Variants in TFAP2B observed in about 807,000 individuals in gnomAD.
The protein encoded by TFAP2B is transcription factor AP-2-beta.
TFAP2B carries 9 observed loss-of-function variants against 44.3 expected under a neutral mutation model. The observed-to-expected ratio is 0.20, with a 90% CI of 0.12 to 0.35. The LOEUF (loss-of-function observed/expected upper bound fraction) is 0.35, where lower values mean the gene tolerates loss of function less well. TFAP2B is among the 10% of genes least tolerant of loss of function. TFAP2B has a pLI of 1.00. For missense variants in TFAP2B, 509 were observed against 600.0 expected (o/e 0.85, Z 1.59); for synonymous variants, 270 against 263.8 (o/e 1.02, Z -0.23).
chr6:50,845,029 C>G lies in TFAP2B; in HGVS notation c.*1637C>G, dbSNP rs1271437786. The G allele has an allele frequency of 1.3e-5, 2 of 152,136 alleles. No individual in the cohort carries two copies. Among genetic ancestry groups the G allele is most frequent in the East Asian group, 3.8e-4 (2 of 5,198 alleles). 9.4% of individuals were successfully genotyped at this position (152,136 alleles called of 1,614,324 possible). A position where few individuals can be genotyped will look rare whatever the true frequency, so the allele number is the denominator to read the frequency against. On this transcript the variant is annotated 3_prime_UTR_variant, in exon 7 of 7. Transcript: ENST00000393655. Reference sequence around the variant, plus strand: ...TTTAATATTTCTCACTTCTGGCAGCCCAGCTCCTTTCTTGGGCTCCATCTT... The same window carrying G: ...TTTAATATTTCTCACTTCTGGCAGCGCAGCTCCTTTCTTGGGCTCCATCTT...
chr6:50,819,100 T>C, intron 1 of TFAP2B, 128 bp downstream of exon 1: 1 of 950,006 alleles, frequency 1.1e-6, no homozygotes, highest in Non-Finnish European at 1.6e-6. Context: ...CTCAGCTTTT[T>C]TTAACTTTTA....
At position 50,828,622 on chromosome 6, in the gene TFAP2B, G is replaced by C. The variant is rs760866646; in HGVS notation, c.544G>C (p.Val182Leu). ...GHPGMEDVQS[V>L]EDANNSGMNL... ...AGTGATGTTTTTATATTCACAGTCA[G>C]TTGAAGATGCCAATAACAGCGGCAT... Residue 182 changes from valine (V) to leucine (L), a missense_variant, in exon 3 of 7, where the codon GTT (valine) becomes CTT (leucine). Around this residue, in one of 3 missense-constraint regions of TFAP2B, gnomAD observed 296 missense variants for 308.2 expected, o/e 0.96. Transcript: ENST00000393655. 2.5e-6 allele frequency: 4 copies of C among 1,613,676 alleles called. No individual in the cohort carries two copies. The Admixed American group carries it at 5.0e-5, about 20-fold the overall frequency.
chr6:50,825,269 T>G (rs1770471134), intron 2 of TFAP2B, among the ~76,000 whole-genome samples: 1 of 150,616 alleles, frequency 6.6e-6, no homozygotes, highest in African/African-American at 2.5e-5. Flanking sequence ...TTTCTGAATA[T>G]CATATGAAAA....
At chr6:50,834,868 T>G (rs1162254746) in intron 3 of TFAP2B, among the ~76,000 whole-genome samples, 1 of 152,170 alleles carries the variant, frequency 6.6e-6, no homozygotes, top group African/African-American at 2.4e-5. Flanking sequence ...CATATCCCAG[T>G]GGAAGAAGCA....
At chr6:50,826,474 T>C (rs1770508456) in intron 2 of TFAP2B, among the ~76,000 whole-genome samples, 1 of 152,174 alleles carries the variant, frequency 6.6e-6, no homozygotes, top group South Asian at 2.1e-4. Context: ...TAAAACCCTG[T>C]CAATTTCTAT....
At chr6:50,822,093 C>A (rs1386645155) in intron 1 of TFAP2B, 2 of 1,290,802 alleles carry the variant, frequency 1.5e-6, no homozygotes, top group East Asian at 5.6e-5. Flanking sequence ...TTTTTTTAAT[C>A]ATTGTTTGAT....
intron 2 of TFAP2B, 139 bp from the exon 3 acceptor site, chr6:50,828,480 G>T: frequency 1.4e-6 from 1 of 699,154 alleles, no homozygotes; most frequent in Non-Finnish European, 2.4e-6. Flanking sequence ...CTATTTGGAG[G>T]TAATAATAAT....
intron 4 of TFAP2B, 54 bp downstream of exon 4, chr6:50,836,334 C>G: frequency 1.4e-6 from 2 of 1,469,480 alleles, no homozygotes; most frequent in Non-Finnish European, 1.9e-6. Context: ...CAAAAACCCA[C>G]CAGTTTTTAT....
chr6:50,830,955 G>C (rs2744504), intron 3 of TFAP2B, among the ~76,000 whole-genome samples: 20,116 of 152,074 alleles, frequency 0.13, 1,441 homozygotes, highest in African/African-American at 0.18. Context: ...CTTTTAGGCA[G>C]ATAAAAAAAA....
chr6:50,830,826 A>G (rs1770652171), intron 3 of TFAP2B, among the ~76,000 whole-genome samples: 1 of 152,130 alleles, frequency 6.6e-6, no homozygotes, highest in Non-Finnish European at 1.5e-5. Context: ...CTCCCCAATT[A>G]TGAGAGATGT....
At chr6:50,832,083 T>C (rs920123581) in intron 3 of TFAP2B, among the ~76,000 whole-genome samples, 4 of 152,214 alleles carry the variant, frequency 2.6e-5, no homozygotes, top group Non-Finnish European at 5.9e-5. Flanking sequence ...ACCTAGAAGG[T>C]AAAATGCTCT....
intron 3 of TFAP2B, among the ~76,000 whole-genome samples, chr6:50,830,745 G>C (rs1212418867): frequency 1.3e-5 from 2 of 152,176 alleles, no homozygotes; most frequent in East Asian, 3.9e-4. Flanking sequence ...TTCTAACTCA[G>C]TATAAGCCAC....
At chr6:50,842,976 A>G (rs563413172) in intron 6 of TFAP2B, 116 bp from the exon 7 acceptor site, 11 of 1,391,540 alleles carry the variant, frequency 7.9e-6, no homozygotes, top group East Asian at 2.3e-5. Flanking sequence ...AATCGCCCAC[A>G]TTAGCCTCGC....
At chr6:50,840,023 C>G in intron 5 of TFAP2B, 133 bp from the exon 6 acceptor site, 1 of 1,192,634 alleles carries the variant, frequency 8.4e-7, no homozygotes, top group Non-Finnish European at 1.2e-6. Flanking sequence ...CTTTAGGCAT[C>G]TCTCACCTTT....
At chr6:50,838,624 G>A (rs1023654114) in intron 5 of TFAP2B, among the ~76,000 whole-genome samples, 1 of 152,070 alleles carries the variant, frequency 6.6e-6, no homozygotes, top group Admixed American at 6.6e-5. Flanking sequence ...GGGGAGGAGG[G>A]GTGAAGAAAT....
At chr6:50,839,306 C>T (rs190659376) in intron 5 of TFAP2B, among the ~76,000 whole-genome samples, 3 of 152,214 alleles carry the variant, frequency 2.0e-5, no homozygotes, top group Admixed American at 2.0e-4. Context: ...AAGCACCATG[C>T]CTGAAGTCTT....
At position 50,844,552 on chromosome 6, in the gene TFAP2B, A is replaced by T. The variant is rs1581835266; in HGVS notation, c.*1160A>T. ...TAAAGAAGCTCAAAGGGAATAATTT[A>T]GAAAGTGGCCAATATGATGGAAGCA... On this transcript the variant is annotated 3_prime_UTR_variant, in exon 7 of 7. Transcript: ENST00000393655. 1 of 152,656 alleles carries T rather than the reference A, an allele frequency of 6.6e-6. No homozygotes were observed. Among genetic ancestry groups the T allele is most frequent in the Non-Finnish European group, 1.5e-5 (1 of 68,048 alleles). 9.5% of individuals were successfully genotyped at this position (152,656 alleles called of 1,614,324 possible). A position where few individuals can be genotyped will look rare whatever the true frequency, so the allele number is the denominator to read the frequency against.
intron 5 of TFAP2B, 70 bp downstream of exon 5, chr6:50,838,163 A>G (rs1285983209): frequency 7.8e-6 from 9 of 1,155,780 alleles, no homozygotes; most frequent in Non-Finnish European, 1.2e-5. Flanking sequence ...GACATTTTAC[A>G]CATTTCATGA....
chr6:50,836,904 T>C (rs1352603380), intron 4 of TFAP2B, among the ~76,000 whole-genome samples: 4 of 152,220 alleles, frequency 2.6e-5, no homozygotes, highest in Admixed American at 1.3e-4. Context: ...TAGGTATTCC[T>C]GGGAGCCATT....
Sources: gnomAD v4.1 joint callset for allele counts (sites outside exome capture counted in the v4.1 genomes callset) on GRCh38, gnomAD v4.1.1 for gene constraint, gnomAD v4.1.1 regional missense constraint, MANE v1.5 for transcripts, NCBI Gene and HGNC (gene_info 2026-07-23, HGNC 2026-07-21) for gene names.